Variants in TRAF3 observed in about 807,000 individuals in gnomAD.
TRAF3 encodes TNF receptor associated factor 3.
In TRAF3, 13 loss-of-function variants were observed where a neutral mutation model predicts 62.3. That is an observed-to-expected ratio of 0.21 (90% CI 0.14 to 0.33). The LOEUF (loss-of-function observed/expected upper bound fraction) is 0.33. Ranked by LOEUF, TRAF3 falls within the 10% of genes least tolerant of loss-of-function variation. The probability of loss-of-function intolerance (pLI) is 1.00; values close to 1 mark genes in which losing one functional copy is unlikely to be tolerated. For synonymous variants in TRAF3, 269 were observed against 283.4 expected, an observed-to-expected ratio of 0.95 and a Z score of 0.51; for missense variants, 440 against 741.8, an observed-to-expected ratio of 0.59 and a Z score of 4.73.
At chr14:102,781,637 T>C (rs544717828) in intron 1 of TRAF3, among the ~76,000 whole-genome samples, 22 of 152,188 alleles carry the variant, frequency 1.4e-4, no homozygotes, top group Admixed American at 1.2e-3. Flanking sequence ...ATTTATTTTA[T>C]TTTATTTGAA....
intron 8 of TRAF3, among the ~76,000 whole-genome samples, chr14:102,889,980 G>A (rs117530275): frequency 0.012 from 1,820 of 152,330 alleles, 15 homozygotes; most frequent in Non-Finnish European, 0.018. Context: ...GAATATAAGC[G>A]AATATCAAAC....
intron 1 of TRAF3, among the ~76,000 whole-genome samples, chr14:102,794,651 G>C (rs1362115424): frequency 6.6e-6 from 1 of 152,174 alleles, no homozygotes; most frequent in African/African-American, 2.4e-5. Context: ...TCTGGTATAC[G>C]CATGGTGGCT....
chr14:102,880,547 T>C (rs1888991296), intron 6 of TRAF3, among the ~76,000 whole-genome samples: 1 of 152,238 alleles, frequency 6.6e-6, no homozygotes, highest in South Asian at 2.1e-4. Flanking sequence ...GAAGACAGTG[T>C]GACGATTCCT....
intron 1 of TRAF3, among the ~76,000 whole-genome samples, chr14:102,829,744 A>G (rs1431026237): frequency 6.6e-6 from 1 of 152,208 alleles, no homozygotes; most frequent in East Asian, 1.9e-4. Context: ...CAAGTTAGAA[A>G]GACCCATGTT....
intron 10 of TRAF3, among the ~76,000 whole-genome samples, chr14:102,901,591 T>C (rs182321816): frequency 2.6e-5 from 4 of 152,164 alleles, no homozygotes; most frequent in Non-Finnish European, 5.9e-5. Context: ...CATGTATGAT[T>C]GTGTAAAATA....
intron 2 of TRAF3, among the ~76,000 whole-genome samples, chr14:102,840,280 T>C (rs1886299746): frequency 6.6e-6 from 1 of 152,206 alleles, no homozygotes; most frequent in African/African-American, 2.4e-5. Context: ...TGGAGTGCAG[T>C]GGAGCAATCA....
intron 4 of TRAF3, among the ~76,000 whole-genome samples, chr14:102,873,632 C>T (rs1343366869): frequency 1.3e-5 from 2 of 152,170 alleles, no homozygotes; most frequent in Non-Finnish European, 2.9e-5. Flanking sequence ...GATCCTCACC[C>T]GTCAGCAGGT....
intron 9 of TRAF3, among the ~76,000 whole-genome samples, chr14:102,894,117 G>A (rs902732087): frequency 7.9e-5 from 12 of 152,006 alleles, no homozygotes; most frequent in East Asian, 1.9e-4. Flanking sequence ...GCCTGAGCTC[G>A]GGAGTTCGAG....
chr14:102,813,453 C>CTT (rs201059096), intron 1 of TRAF3, among the ~76,000 whole-genome samples: 4 of 145,950 alleles, frequency 2.7e-5, no homozygotes, highest in Non-Finnish European at 4.6e-5. Context: ...CTTTTCTTTT[C>CTT]TTTTCTTTTT....
chr14:102,814,732 A>G (rs1899412597), intron 1 of TRAF3, among the ~76,000 whole-genome samples: 1 of 152,066 alleles, frequency 6.6e-6, no homozygotes, highest in Non-Finnish European at 1.5e-5. Context: ...CATGTTGCCC[A>G]GGCTGGTCTC....
intron 1 of TRAF3, among the ~76,000 whole-genome samples, chr14:102,797,012 G>C (rs1362538410): frequency 6.6e-6 from 1 of 152,178 alleles, no homozygotes; most frequent in African/African-American, 2.4e-5. Flanking sequence ...GGGGTGACCA[G>C]CATAGGGGCC....
rs145367471 is a variant in TRAF3, at chr14:102,876,462, G to A, written c.507G>A (p.Ala169=). 4.8e-5 allele frequency: 78 copies of A among 1,614,130 alleles called. No individual in the cohort carries two copies. The highest frequency in any genetic ancestry group is 6.7e-5 in the East Asian group (3 of 44,902). The change falls in exon 6 of 12, where the codon GCG becomes GCA. Residue 169 remains alanine, a synonymous_variant. Coordinates refer to ENST00000392745, the MANE Select transcript of TRAF3 (RefSeq NM_145725.3). ...RKDLRDHVEK[A]CKYREATCSH... ...ACCTGCGAGACCACGTGGAGAAGGCGTGTAAATACCGGGAAGCCACATGCA... is the reference window on the plus strand; with the variant it reads ...ACCTGCGAGACCACGTGGAGAAGGCATGTAAATACCGGGAAGCCACATGCA...
intron 1 of TRAF3, among the ~76,000 whole-genome samples, chr14:102,798,622 A>G (rs1898227234): frequency 2.0e-5 from 3 of 152,160 alleles, no homozygotes; most frequent in Non-Finnish European, 4.4e-5. Flanking sequence ...TCTGGGCGAC[A>G]GAGCGAGACC....
intron 1 of TRAF3, among the ~76,000 whole-genome samples, chr14:102,815,137 C>G (rs1299119172): frequency 6.6e-6 from 1 of 151,982 alleles, no homozygotes; most frequent in African/African-American, 2.4e-5. Context: ...CAGAGTTTTA[C>G]TATGTTGCCC....
chr14:102,863,513 G>A (rs764648309), intron 2 of TRAF3, among the ~76,000 whole-genome samples: 2 of 152,172 alleles, frequency 1.3e-5, no homozygotes, highest in Non-Finnish European at 2.9e-5. Flanking sequence ...TGATCCCTGA[G>A]CATTCGCTGC....
chr14:102,905,146 G>A (rs546067524), intron 11 of TRAF3, 67 bp from the exon 12 acceptor site: 49 of 1,479,926 alleles, frequency 3.3e-5, no homozygotes, highest in Non-Finnish European at 4.3e-5. Flanking sequence ...TGCTGGTGCA[G>A]CTTTGCTTTC....
intron 6 of TRAF3, among the ~76,000 whole-genome samples, chr14:102,883,739 C>T (rs992770675): frequency 6.6e-6 from 1 of 152,142 alleles, no homozygotes; most frequent in Non-Finnish European, 1.5e-5. Context: ...GTGCCCGCCA[C>T]CGCACCTGGC....
intron 1 of TRAF3, among the ~76,000 whole-genome samples, chr14:102,779,483 T>C (rs1897184173): frequency 6.6e-6 from 1 of 152,150 alleles, no homozygotes; most frequent in African/African-American, 2.4e-5. Flanking sequence ...ATCCCTACTC[T>C]TGTTTGTGCC....
At chr14:102,901,482 G>A (rs1335975762) in intron 10 of TRAF3, among the ~76,000 whole-genome samples, 1 of 152,150 alleles carries the variant, frequency 6.6e-6, no homozygotes, top group African/African-American at 2.4e-5. Context: ...GAGGCTTCCG[G>A]TGCTCACTAG....
Sources: gnomAD v4.1 joint callset for allele counts (sites outside exome capture counted in the v4.1 genomes callset) on GRCh38, gnomAD v4.1.1 for gene constraint, MANE v1.5 for transcripts, NCBI Gene and HGNC (gene_info 2026-07-23, HGNC 2026-07-21) for gene names.